The following CRPPA variants were observed in gnomAD, a reference collection of about 807,000 sequenced individuals.
The protein encoded by CRPPA is D-ribitol-5-phosphate cytidylyltransferase.
CRPPA carries 43 observed loss-of-function variants against 52.0 expected under a neutral mutation model. That is an observed-to-expected ratio of 0.83 (90% CI 0.65 to 1.07). The LOEUF (loss-of-function observed/expected upper bound fraction) is 1.07. CRPPA is among the 50% of genes least tolerant of loss of function. The probability of loss-of-function intolerance (pLI) is 0.00; values close to 1 mark genes in which losing one functional copy is unlikely to be tolerated. For missense variants in CRPPA, 629 were observed against 551.7 expected, an observed-to-expected ratio of 1.14 and a Z score of -1.40; for synonymous variants, 250 against 203.5, an observed-to-expected ratio of 1.23 and a Z score of -1.94.
At chr7:16,236,796 G>C (rs1200430089) in intron 8 of CRPPA, among the ~76,000 whole-genome samples, 1 of 151,828 alleles carries the variant, frequency 6.6e-6, no homozygotes, top group East Asian at 1.9e-4. Flanking sequence ...CTACCATACA[G>C]ACACTATAGA....
intron 1 of CRPPA, among the ~76,000 whole-genome samples, chr7:16,415,154 G>A (rs1042069383): frequency 3.3e-5 from 5 of 152,154 alleles, no homozygotes; most frequent in African/African-American, 7.2e-5. Flanking sequence ...TTTCAATGGC[G>A]CAAAGTAGAA....
intron 9 of CRPPA, among the ~76,000 whole-genome samples, chr7:16,103,739 T>C (rs1782094702): frequency 6.6e-6 from 1 of 152,132 alleles, no homozygotes; most frequent in Non-Finnish European, 1.5e-5. Context: ...GAAAGCTATA[T>C]ACCAGCTGTT....
At chr7:16,161,185 T>G (rs954064963) in intron 9 of CRPPA, among the ~76,000 whole-genome samples, 2 of 152,138 alleles carry the variant, frequency 1.3e-5, no homozygotes, top group Non-Finnish European at 2.9e-5. Context: ...TTCTTTCTCT[T>G]GCCTCTTTGC....
chr7:16,320,317 G>C (rs1045466140), intron 3 of CRPPA, among the ~76,000 whole-genome samples: 2 of 152,102 alleles, frequency 1.3e-5, no homozygotes, highest in African/African-American at 4.8e-5. Context: ...ATGAGAATAT[G>C]GCAGGGTTAT....
chr7:16,189,169 G>T (rs1052752062), intron 9 of CRPPA, among the ~76,000 whole-genome samples: 5 of 151,974 alleles, frequency 3.3e-5, no homozygotes, highest in African/African-American at 1.2e-4. Flanking sequence ...ATCAGGACTA[G>T]AATAAATCTC....
chr7:16,328,858 G>A (rs61060195), intron 3 of CRPPA, among the ~76,000 whole-genome samples: 1 of 152,226 alleles, frequency 6.6e-6, no homozygotes, highest in East Asian at 1.9e-4. Flanking sequence ...TTTTGAGAGA[G>A]AATATATGGC....
intron 8 of CRPPA, among the ~76,000 whole-genome samples, chr7:16,249,661 A>T (rs1370742591): frequency 6.6e-6 from 1 of 152,206 alleles, no homozygotes; most frequent in South Asian, 2.1e-4. Context: ...AGGAAAACTA[A>T]CAAACAGAAA....
intron 8 of CRPPA, among the ~76,000 whole-genome samples, chr7:16,241,116 T>C (rs972623919): frequency 6.6e-6 from 1 of 152,174 alleles, no homozygotes; most frequent in African/African-American, 2.4e-5. Flanking sequence ...CTTTGGAACA[T>C]TCTGGAAACA....
At chr7:16,310,767 G>A (rs1785018295) in intron 3 of CRPPA, among the ~76,000 whole-genome samples, 1 of 152,042 alleles carries the variant, frequency 6.6e-6, no homozygotes, top group African/African-American at 2.4e-5. Context: ...GAAGCTAAGG[G>A]GTGAAAGTAT....
intron 3 of CRPPA, among the ~76,000 whole-genome samples, chr7:16,358,965 T>C (rs887722331): frequency 6.6e-6 from 1 of 152,234 alleles, no homozygotes; most frequent in African/African-American, 2.4e-5. Flanking sequence ...AGATTTTTAT[T>C]TGTTAAATCC....
chr7:16,188,016 A>G (rs1781539203), intron 9 of CRPPA, among the ~76,000 whole-genome samples: 1 of 151,330 alleles, frequency 6.6e-6, no homozygotes, highest in African/African-American at 2.4e-5. Context: ...AACCAATGCC[A>G]GGACAGTTTG....
intron 8 of CRPPA, among the ~76,000 whole-genome samples, chr7:16,249,876 T>A (rs1233265078): frequency 1.3e-5 from 2 of 152,152 alleles, no homozygotes; most frequent in Non-Finnish European, 2.9e-5. Context: ...GGATGGAGAA[T>A]GAGTTTGACA....
chr7:16,383,285 C>G (rs905696105), intron 2 of CRPPA, among the ~76,000 whole-genome samples: 1 of 152,216 alleles, frequency 6.6e-6, no homozygotes, highest in African/African-American at 2.4e-5. Flanking sequence ...TGGGTATCAG[C>G]AGCGGTGGCT....
At chr7:16,369,803 A>G (rs1786701501) in intron 3 of CRPPA, among the ~76,000 whole-genome samples, 1 of 152,182 alleles carries the variant, frequency 6.6e-6, no homozygotes, top group African/African-American at 2.4e-5. Context: ...GGAACTTAAC[A>G]GGAAAAATAC....
chr7:16,337,448 A>T (rs1307596284), intron 3 of CRPPA, among the ~76,000 whole-genome samples: 1 of 152,146 alleles, frequency 6.6e-6, no homozygotes. Context: ...CAAAACTTAT[A>T]GCATGCAGCA....
chr7:16,268,466 C>T (rs1784011733), intron 6 of CRPPA, among the ~76,000 whole-genome samples: 2 of 152,022 alleles, frequency 1.3e-5, no homozygotes, highest in South Asian at 4.1e-4. Context: ...ATGTATACTC[C>T]TCTTGTATGA....
At chr7:16,225,734 T>TG (rs1348501498) in intron 8 of CRPPA, among the ~76,000 whole-genome samples, 3 of 151,970 alleles carry the variant, frequency 2.0e-5, no homozygotes, top group African/African-American at 7.2e-5. Context: ...CTTGTCATTT[T>TG]TTTAAAAAAA....
chr7:16,143,233 G>A (rs761643334), intron 9 of CRPPA, among the ~76,000 whole-genome samples: 2 of 152,146 alleles, frequency 1.3e-5, no homozygotes, highest in African/African-American at 2.4e-5. Flanking sequence ...GAGTGAAGCA[G>A]TTGAGAGTAC....
intron 2 of CRPPA, among the ~76,000 whole-genome samples, chr7:16,401,868 A>T (rs561789648): frequency 2.6e-5 from 4 of 152,074 alleles, no homozygotes; most frequent in South Asian, 2.1e-4. Context: ...TCATTAAAAA[A>T]ATATATATAT....
Sources: gnomAD v4.1 joint callset for allele counts (sites outside exome capture counted in the v4.1 genomes callset) on GRCh38, gnomAD v4.1.1 for gene constraint, MANE v1.5 for transcripts, NCBI Gene and HGNC (gene_info 2026-07-23, HGNC 2026-07-21) for gene names.